LEPR: variants seen among roughly 807,000 people sequenced by gnomAD.
LEPR encodes the protein OB receptor.
LEPR carries 56 observed loss-of-function variants against 114.7 expected under a neutral mutation model. The ratio of observed to expected loss-of-function variants is 0.49; its 90% CI spans 0.39 to 0.61. The LOEUF (loss-of-function observed/expected upper bound fraction) is 0.61, where lower values mean the gene tolerates loss of function less well. Among genes scored for constraint, LEPR ranks in the 20% least tolerant of loss-of-function variants. The probability of loss-of-function intolerance (pLI) is 0.00; values close to 1 mark genes in which losing one functional copy is unlikely to be tolerated. For synonymous variants in LEPR, 443 were observed against 461.4 expected (o/e 0.96, Z 0.51); for missense variants, 1,202 against 1,352.9 (o/e 0.89, Z 1.75).
chr1:65,480,225 G>A (rs1334847570), intron 2 of LEPR, among the ~76,000 whole-genome samples: 2 of 151,270 alleles, frequency 1.3e-5, no homozygotes, highest in African/African-American at 4.9e-5. Context: ...AATTCCTATG[G>A]TAGAAAAAAA....
At chr1:65,546,485 G>A (rs1050306832) in intron 2 of LEPR, among the ~76,000 whole-genome samples, 4 of 151,972 alleles carry the variant, frequency 2.6e-5, no homozygotes, top group Non-Finnish European at 5.9e-5. Flanking sequence ...TTATTTCCTT[G>A]AGCAGTGGTT....
chr1:65,598,095 C>CTTTGTTTTTTTTTTTTTTTTT (rs1656193917), intron 7 of LEPR, among the ~76,000 whole-genome samples: 1 of 101,490 alleles, frequency 9.9e-6, no homozygotes, highest in African/African-American at 4.4e-5. Flanking sequence ...CCTCCTGCCT[C>CTTTGTTTTTTTTTTTTTTTTT]TTTTTTTTTT....
intron 2 of LEPR, among the ~76,000 whole-genome samples, chr1:65,484,262 A>C (rs982446156): frequency 4.6e-5 from 7 of 152,254 alleles, no homozygotes; most frequent in Admixed American, 4.6e-4. Flanking sequence ...TATTTGTGTA[A>C]TCAGGGGACA....
At chr1:65,549,564 C>T (rs1290245872) in intron 2 of LEPR, among the ~76,000 whole-genome samples, 2 of 152,140 alleles carry the variant, frequency 1.3e-5, no homozygotes, top group African/African-American at 2.4e-5. Flanking sequence ...TCATTCATTT[C>T]ATCTTCCATC....
In LEPR at chr1:65,492,801, A is replaced by T. The variant is rs187191491; in HGVS notation, c.-21+67423A>T. ...GCTTTCCTCTCCATCTCATATGTTA[A>T]AATTCATCCATCTTTTTTTTTTTTC... On this transcript the variant is annotated intron_variant, in intron 2 of 19. Coordinates refer to ENST00000349533, the MANE Select transcript of LEPR (RefSeq NM_002303.6). 1.9e-3 allele frequency among the ~76,000 whole-genome samples: 281 copies of T among 149,942 alleles called. 1 individual carries two copies. The highest frequency in any genetic ancestry group is 6.8e-3 in the African/African-American group (276 of 40,722).
At chr1:65,432,161 C>T (rs1342300506) in intron 2 of LEPR, 7 of 1,153,020 alleles carry the variant, frequency 6.1e-6, no homozygotes, top group Non-Finnish European at 7.5e-6. Flanking sequence ...CATGTAGTCA[C>T]GGTGCTCTCA....
chr1:65,524,532 A>G (rs1246195128), intron 2 of LEPR, among the ~76,000 whole-genome samples: 2 of 152,236 alleles, frequency 1.3e-5, no homozygotes, highest in Non-Finnish European at 1.5e-5. Context: ...GGTTCCTTCC[A>G]TAATGCACAG....
chr1:65,603,357 A>G (rs796743874), intron 10 of LEPR, among the ~76,000 whole-genome samples: 36 of 151,888 alleles, frequency 2.4e-4, no homozygotes, highest in African/African-American at 7.7e-4. Flanking sequence ...TTATTCACAC[A>G]CACACACACA....
intron 2 of LEPR, among the ~76,000 whole-genome samples, chr1:65,493,327 T>C (rs914715768): frequency 1.3e-5 from 2 of 152,112 alleles, no homozygotes; most frequent in African/African-American, 2.4e-5. Context: ...TCTCTTAGCA[T>C]TTGATAATTG....
intron 12 of LEPR, 83 bp from the exon 13 acceptor site, chr1:65,609,864 G>T (rs1657055694): frequency 3.1e-6 from 5 of 1,587,540 alleles, no homozygotes; most frequent in Non-Finnish European, 4.3e-6. Flanking sequence ...TAGTGTTAAG[G>T]TTTAAAATAA....
rs75276031 is a variant in LEPR at position 65,433,661 on chromosome 1, C to T, written c.-21+8283C>T. 1.1e-4 allele frequency: 111 copies of T among 984,696 alleles called. 1 individual carries two copies. In the East Asian group the frequency reaches 9.4e-3, roughly 84 times the overall value. 61.0% of individuals were successfully genotyped at this position (984,696 alleles called of 1,614,324 possible). ...TTCATGATTTTATGTTTTCAGTGTC[C>T]TGTGTACATATAGAATTGTTAAAGT... On this transcript the variant is annotated intron_variant, in intron 2 of 19. Transcript: ENST00000349533.
chr1:65,466,270 T>C (rs949619877), intron 2 of LEPR, among the ~76,000 whole-genome samples: 4 of 152,190 alleles, frequency 2.6e-5, no homozygotes, highest in African/African-American at 9.7e-5. Context: ...ATTTTATTTC[T>C]CCTTCACTTA....
chr1:65,479,268 A>C (rs1174623203), intron 2 of LEPR, among the ~76,000 whole-genome samples: 1 of 151,218 alleles, frequency 6.6e-6, no homozygotes, highest in East Asian at 1.9e-4. Flanking sequence ...TACAGGACAT[A>C]TTTTTTTTTA....
intron 14 of LEPR, among the ~76,000 whole-genome samples, chr1:65,610,780 T>G (rs1657117686): frequency 6.6e-6 from 1 of 152,230 alleles, no homozygotes; most frequent in Admixed American, 6.5e-5. Flanking sequence ...CTAGTAATTT[T>G]CAAAGCATCC....
intron 2 of LEPR, chr1:65,431,797 T>TTTCA (rs753040312): frequency 6.2e-7 from 1 of 1,610,658 alleles, no homozygotes; most frequent in Non-Finnish European, 8.5e-7. Context: ...TTTTCTTGTC[T>TTTCA]TTCAGATCAA....
intron 2 of LEPR, among the ~76,000 whole-genome samples, chr1:65,507,987 TCTC>T (rs1474335154): frequency 6.6e-6 from 1 of 152,238 alleles, no homozygotes; most frequent in Admixed American, 6.5e-5. Flanking sequence ...TTGTATGTCT[TCTC>T]CTGAGAAATG....
chr1:65,538,784 G>C (rs1451384896), intron 2 of LEPR, among the ~76,000 whole-genome samples: 1 of 151,460 alleles, frequency 6.6e-6, no homozygotes, highest in Non-Finnish European at 1.5e-5. Context: ...ATATGTTTAG[G>C]AATGAATCTG....
chr1:65,593,198 C>A (rs565503681), intron 6 of LEPR, among the ~76,000 whole-genome samples: 4 of 152,004 alleles, frequency 2.6e-5, no homozygotes, highest in African/African-American at 9.6e-5. Context: ...GAATTTATTC[C>A]TTCAATAAAT....
intron 2 of LEPR, chr1:65,434,839 C>T: frequency 2.0e-6 from 2 of 985,542 alleles, no homozygotes; most frequent in Non-Finnish European, 2.4e-6. Context: ...CACCCTTCTC[C>T]TCCCATTAGT....
Sources: gnomAD v4.1 joint callset for allele counts (sites outside exome capture counted in the v4.1 genomes callset) on GRCh38, gnomAD v4.1.1 for gene constraint, MANE v1.5 for transcripts, NCBI Gene and HGNC (gene_info 2026-07-23, HGNC 2026-07-21) for gene names.